The following PKHD1 variants were observed in gnomAD, a reference collection of about 807,000 sequenced individuals.
PKHD1 encodes the protein PKHD1 ciliary IPT domain containing fibrocystin/polyductin, also known as fibrocystin.
PKHD1 carries 291 observed loss-of-function variants against 412.0 expected under a neutral mutation model. That is an observed-to-expected ratio of 0.71 (90% confidence interval 0.64 to 0.78). PKHD1 has a LOEUF of 0.78. PKHD1 is among the 30% of genes least tolerant of loss of function. PKHD1 has a pLI of 0.00. For missense variants in PKHD1, 4,825 were observed against 4,950.7 expected (o/e 0.97, Z 0.76); for synonymous variants, 1,777 against 1,821.5 (o/e 0.98, Z 0.62).
At chr6:51,713,585 T>A (rs1780900987) in intron 60 of PKHD1, among the ~76,000 whole-genome samples, 2 of 152,234 alleles carry the variant, frequency 1.3e-5, no homozygotes, top group Non-Finnish European at 2.9e-5. Context: ...CTAGCTTTGA[T>A]TTTTTGTGAG....
At chr6:51,789,593 C>T (rs1339722961) in intron 53 of PKHD1, among the ~76,000 whole-genome samples, 1 of 151,748 alleles carries the variant, frequency 6.6e-6, no homozygotes, top group African/African-American at 2.4e-5. Context: ...AAAAAAATGA[C>T]TTTGAGATAA....
In PKHD1 at chr6:51,632,728, G is replaced by A. The variant is rs886061609; in HGVS notation, c.11507-5C>T. The A allele has an allele frequency of 1.9e-6, 3 of 1,611,358 alleles. No homozygotes were observed. The highest frequency in any genetic ancestry group is 2.5e-6 in the Non-Finnish European group (3 of 1,178,160). ...ATCGAGCTGTAAAATTGACTCCTGT[G>A]GCGGGGAAAAGAAGATGTTTCAATG... On this transcript the variant is annotated splice_region_variant and splice_polypyrimidine_tract_variant and intron_variant, in intron 64 of 66. Coordinates refer to ENST00000371117, the MANE Select transcript of PKHD1 (RefSeq NM_138694.4).
chr6:51,726,439 A>G (rs1385336542), intron 60 of PKHD1, among the ~76,000 whole-genome samples: 1 of 152,216 alleles, frequency 6.6e-6, no homozygotes, highest in Non-Finnish European at 1.5e-5. Context: ...AAACCAGGCT[A>G]TACTGGCCCC....
chr6:51,701,497 T>G (rs1394892643), intron 60 of PKHD1, among the ~76,000 whole-genome samples: 1 of 152,144 alleles, frequency 6.6e-6, no homozygotes. Flanking sequence ...TAAATGCTCA[T>G]GTTTACATTG....
chr6:51,842,611 TCTC>T lies in PKHD1; in HGVS notation c.8107+5161_8107+5163del, dbSNP rs552499900. 4.3e-3 allele frequency among the ~76,000 whole-genome samples: 661 copies of T among 152,136 alleles called. 4 individuals are homozygous for T. The highest frequency in any genetic ancestry group is 0.015 in the African/African-American group (623 of 41,494). On this transcript the variant is annotated intron_variant, in intron 50 of 66. Coordinates refer to ENST00000371117, the MANE Select transcript of PKHD1 (RefSeq NM_138694.4). Reference sequence around the variant, plus strand: ...ACCTCCCCCCGCCTCCCTCCAATCTTCTCCTCCTGTTTTGGGCAAGTCCTATTC... The same window carrying T: ...ACCTCCCCCCGCCTCCCTCCAATCTTCTCCTGTTTTGGGCAAGTCCTATTC...
At chr6:51,769,305 C>T (rs1789654083) in intron 55 of PKHD1, among the ~76,000 whole-genome samples, 1 of 151,362 alleles carries the variant, frequency 6.6e-6, no homozygotes, top group Admixed American at 6.6e-5. Flanking sequence ...GGAGATAAAT[C>T]TTTGATAAAT....
chr6:51,906,248 A>C lies in PKHD1; in HGVS notation c.6775T>G (p.Phe2259Val), dbSNP rs1380020438. Residue 2259 changes from phenylalanine to valine, a missense_variant, in exon 41 of 67, where the codon TTC becomes GTC. Physicochemically the swap from Phe to Val is conservative, Grantham distance 50. Transcript: ENST00000371117. ...TLGLKVDSNV[F>V]YNILGHALLV... ...AGCGCATGACCTAAAATATTGTAGA[A>C]TACATTACTGTCCACCTTCAGGCCC... 6.2e-7 allele frequency: 1 copy of C among 1,611,904 alleles called. No homozygotes were observed. Among genetic ancestry groups the C allele is most frequent in the African/African-American group, 1.3e-5 (1 of 74,834 alleles).
At chr6:52,042,794 A>T in intron 27 of PKHD1, 65 bp downstream of exon 27, 1 of 1,423,074 alleles carries the variant, frequency 7.0e-7, no homozygotes, top group Non-Finnish European at 9.9e-7. Context: ...GAAGGACTAG[A>T]TTCCTATCAG....
intron 52 of PKHD1, among the ~76,000 whole-genome samples, chr6:51,797,360 T>A (rs949263335): frequency 1.3e-5 from 2 of 152,184 alleles, no homozygotes; most frequent in Non-Finnish European, 2.9e-5. Context: ...TTTTTGTTAA[T>A]TTTGTGTCTA....
chr6:51,738,759 T>A (rs977699970), intron 60 of PKHD1, among the ~76,000 whole-genome samples: 2 of 152,146 alleles, frequency 1.3e-5, no homozygotes, highest in Non-Finnish European at 2.9e-5. Context: ...TCCACCCACC[T>A]CTCACACATG....
intron 43 of PKHD1, among the ~76,000 whole-genome samples, 165 bp from the exon 44 acceptor site, chr6:51,887,410 A>G (rs1778389835): frequency 6.6e-6 from 1 of 152,188 alleles, no homozygotes; most frequent in African/African-American, 2.4e-5. Flanking sequence ...CCTTTTGGGA[A>G]CAAAAATAGT....
At chr6:52,007,619 T>C (rs1799255714) in intron 35 of PKHD1, among the ~76,000 whole-genome samples, 1 of 152,222 alleles carries the variant, frequency 6.6e-6, no homozygotes, top group Non-Finnish European at 1.5e-5. Flanking sequence ...TAATCATTCA[T>C]TGTGAACCTT....
At position 51,965,687 on chromosome 6, in the gene PKHD1, G is replaced by T. The variant is rs146775189; in HGVS notation, c.5752-5661C>A. Among the ~76,000 whole-genome samples the T allele has an allele frequency of 5.9e-5, 9 of 152,068 alleles. No homozygotes were observed. The East Asian group carries it at 1.6e-3, about 26-fold the overall frequency. ...AATGTCAACAGTACTTTTTGTCAGA[G>T]ATTCCTGCCCAGTTCAAATTGACCC... On this transcript the variant is annotated intron_variant, in intron 35 of 66. Coordinates refer to ENST00000371117, the MANE Select transcript of PKHD1 (RefSeq NM_138694.4).
chr6:52,076,314 G>A lies in PKHD1; in HGVS notation c.410C>T (p.Pro137Leu). ...TGGTGGATAAACTTGGTGAACGATG[G>A]GTGTCTGCGCCTTGGAAAACTGTTT... ...CTFKFSKAQT[P>L]IVHQVYPPSG... The change falls in exon 6 of 67, where the codon CCC (proline) becomes CTC (leucine). Residue 137 changes from proline (P) to leucine (L), a missense_variant. Physicochemically the swap from Pro to Leu is moderately conservative, Grantham distance 98 (BLOSUM62 -3). Coordinates refer to ENST00000371117, the MANE Select transcript of PKHD1 (RefSeq NM_138694.4). 6.2e-7 allele frequency: 1 copy of A among 1,612,524 alleles called. No individual in the cohort carries two copies. The highest frequency in any genetic ancestry group is 8.5e-7 in the Non-Finnish European group (1 of 1,178,664).
chr6:52,044,177 C>G (rs1896986), intron 25 of PKHD1, among the ~76,000 whole-genome samples: 1,674 of 152,258 alleles, frequency 0.011, 33 homozygotes, highest in African/African-American at 0.037. Flanking sequence ...GGACACTTTA[C>G]TTGGGGTCTC....
Position 51,619,078 on chromosome 6 carries a change from T to C in PKHD1, c.*3A>G, listed in dbSNP as rs765681328. On this transcript the variant is annotated 3_prime_UTR_variant, in exon 67 of 67. Transcript: ENST00000371117. ...TCAGGCCAAATGCCCCCAACTTCCC[T>C]GATCACAGTTGCTCCTGAATAGTTT... 9.3e-6 allele frequency: 15 copies of C among 1,613,922 alleles called. No homozygotes were observed. The highest frequency in any genetic ancestry group is 1.3e-5 in the Non-Finnish European group (15 of 1,179,796).
At chr6:52,035,158 C>T (rs1168007617) in intron 28 of PKHD1, among the ~76,000 whole-genome samples, 2 of 152,190 alleles carry the variant, frequency 1.3e-5, no homozygotes, top group Non-Finnish European at 1.5e-5. Flanking sequence ...AGAAATCACA[C>T]ACTCTAGAAG....
chr6:51,655,037 T>A, intron 61 of PKHD1, among the ~76,000 whole-genome samples: 1 of 152,128 alleles, frequency 6.6e-6, no homozygotes, highest in Non-Finnish European at 1.5e-5. Context: ...GAAATAAGAT[T>A]ACAATAATTT....
intron 55 of PKHD1, among the ~76,000 whole-genome samples, chr6:51,769,136 C>T (rs895934602): frequency 2.0e-5 from 3 of 150,970 alleles, no homozygotes; most frequent in Non-Finnish European, 4.4e-5. Context: ...TCTCAGTTTT[C>T]TTTTTTGAGT....
Sources: allele counts gnomAD v4.1 joint callset (sites outside exome capture counted in the v4.1 genomes callset), GRCh38; gene constraint gnomAD v4.1.1; transcripts MANE v1.5; gene names NCBI Gene and HGNC (gene_info 2026-07-23, HGNC 2026-07-21).